The following PTGS1 variants were observed in gnomAD, a reference collection of about 807,000 sequenced individuals.
PTGS1 encodes prostaglandin G/H synthase 1.
PTGS1 carries 40 observed loss-of-function variants against 63.0 expected under a neutral mutation model. The observed-to-expected ratio is 0.63, with a 90% CI of 0.49 to 0.83. The LOEUF (loss-of-function observed/expected upper bound fraction) is 0.83. PTGS1 is among the 40% of genes least tolerant of loss of function. The pLI is 0.00. For synonymous variants in PTGS1, 298 were observed against 301.9 expected (o/e 0.99, Z 0.13); for missense variants, 709 against 786.5 (o/e 0.90, Z 1.18).
At chr9:122,381,312 C>G in intron 5 of PTGS1, 59 bp from the exon 6 acceptor site, 1 of 1,557,384 alleles carries the variant, frequency 6.4e-7, no homozygotes, top group Non-Finnish European at 8.7e-7. Flanking sequence ...GCCCAGATGT[C>G]CCCAGGGCAG....
chr9:122,373,669 C>G (rs1836938076), intron 2 of PTGS1, among the ~76,000 whole-genome samples: 1 of 152,220 alleles, frequency 6.6e-6, no homozygotes, highest in African/African-American at 2.4e-5. Flanking sequence ...GGGCAAGATG[C>G]CAGCTGTGCC....
Position 122,377,992 on chromosome 9 carries a change from A to T in PTGS1, c.188A>T (p.Tyr63Phe), listed in dbSNP as rs781262401. The T allele has an allele frequency of 2.5e-6, 4 of 1,613,474 alleles. No homozygotes were observed. Residue 63 changes from tyrosine to phenylalanine, a missense_variant, in exon 3 of 11, where the codon TAT becomes TTT. Physicochemically the swap from Tyr to Phe is conservative, Grantham distance 22. Coordinates refer to ENST00000362012, the MANE Select transcript of PTGS1 (RefSeq NM_000962.4). ...RYQCDCTRTGYSGPNCTIPGL... is the reference protein window; with the variant it reads ...RYQCDCTRTGFSGPNCTIPGL... Reference sequence around the variant, plus strand: ...CAGTGTGACTGCACCCGCACGGGCTATTCCGGCCCCAACTGCACCATCCGT... The same window carrying T: ...CAGTGTGACTGCACCCGCACGGGCTTTTCCGGCCCCAACTGCACCATCCGT...
In PTGS1 at chr9:122,378,895, G is replaced by A; in HGVS notation, c.473G>A (p.Cys158Tyr). 6.2e-7 allele frequency: 1 copy of A among 1,614,242 alleles called. No homozygotes were observed. The highest frequency in any genetic ancestry group is 8.5e-7 in the Non-Finnish European group (1 of 1,180,046). Residue 158 changes from cysteine (C) to tyrosine (Y), a missense_variant, in exon 5 of 11, where the codon TGC becomes TAC. By Grantham distance (194) the Cys-to-Tyr change is radical. Transcript: ENST00000362012. ...ATTCTGCCCTCTGTGCCTAAAGATT[G>A]CCCCACACCCATGGGAACCAAAGGT... ...TRILPSVPKD[C>Y]PTPMGTKGKK...
chr9:122,381,392 CCCA>C lies in PTGS1; in HGVS notation c.519_521del (p.Gln174del). 1 of 1,614,046 alleles carries C rather than the reference CCCA, an allele frequency of 6.2e-7. No individual in the cohort carries two copies. The highest frequency in any genetic ancestry group is 8.5e-7 in the Non-Finnish European group (1 of 1,179,988). ...CCAGGGAAGAAGCAGTTGCCAGATG[CCCA>C]GCTCCTGGCCCGCCGCTTCCTGCTC... On this transcript the variant is annotated inframe_deletion, in exon 6 of 11. Coordinates refer to ENST00000362012, the MANE Select transcript of PTGS1 (RefSeq NM_000962.4).
chr9:122,375,253 A>T, intron 2 of PTGS1: 1 of 981,316 alleles, frequency 1.0e-6, no homozygotes, highest in Non-Finnish European at 1.2e-6. Context: ...GGGAGGGAGG[A>T]GCCTCAGCTC....
At chr9:122,376,591 A>G (rs1447164775) in intron 2 of PTGS1, among the ~76,000 whole-genome samples, 3 of 152,128 alleles carry the variant, frequency 2.0e-5, no homozygotes, top group African/African-American at 7.2e-5. Context: ...GCCTTTCACT[A>G]CCCTTTTGAC....
intron 3 of PTGS1, 98 bp downstream of exon 3, chr9:122,378,113 C>T: frequency 8.5e-7 from 1 of 1,181,778 alleles, no homozygotes; most frequent in Non-Finnish European, 1.2e-6. Flanking sequence ...CCTCTCTGAC[C>T]ATGGCCCTGT....
chr9:122,373,379 T>A (rs925428561), intron 2 of PTGS1, among the ~76,000 whole-genome samples: 2 of 152,114 alleles, frequency 1.3e-5, no homozygotes, highest in African/African-American at 4.8e-5. Flanking sequence ...AGCCTGTCTT[T>A]TACCTCTAGA....
intron 9 of PTGS1, 26 bp downstream of exon 9, chr9:122,386,758 G>A: frequency 6.2e-7 from 1 of 1,607,912 alleles, no homozygotes; most frequent in Non-Finnish European, 8.5e-7. Flanking sequence ...GTGCTGGTGA[G>A]GGCAGGTGGG....
intron 7 of PTGS1, among the ~76,000 whole-genome samples, chr9:122,382,408 T>A (rs1320583414): frequency 6.6e-6 from 1 of 152,222 alleles, no homozygotes; most frequent in Non-Finnish European, 1.5e-5. Context: ...CATCTCAATT[T>A]GGATGCTCTA....
intron 8 of PTGS1, among the ~76,000 whole-genome samples, chr9:122,384,826 G>GA (rs1837776323): frequency 2.0e-5 from 3 of 150,844 alleles, no homozygotes; most frequent in African/African-American, 7.3e-5. Context: ...TCCCCCTCGC[G>GA]TCTACACTTA....
chr9:122,375,090 A>G (rs1017408771), intron 2 of PTGS1, among the ~76,000 whole-genome samples: 1 of 152,146 alleles, frequency 6.6e-6, no homozygotes, highest in African/African-American at 2.4e-5. Flanking sequence ...AGTGGCACCC[A>G]GTCTCCTCTC....
chr9:122,388,495 C>T (rs1354591600), intron 9 of PTGS1, among the ~76,000 whole-genome samples: 1 of 152,226 alleles, frequency 6.6e-6, no homozygotes, highest in Admixed American at 6.5e-5. Context: ...AGATGCTCTT[C>T]CCTTCCCCAT....
chr9:122,371,212 TTCCTGC>T lies in PTGS1; in HGVS notation c.44_49del (p.Leu15_Leu16del), dbSNP rs534752292. The T allele has an allele frequency of 6.0e-3, 9,609 of 1,608,470 alleles. 42 individuals are homozygous for T. Among genetic ancestry groups the T allele is most frequent in the Non-Finnish European group, 7.2e-3 (8,496 of 1,179,848 alleles). On this transcript the variant is annotated inframe_deletion, in exon 2 of 11. Transcript: ENST00000362012. ...GAGTCTCTTGCTCTGGTTCTTGCTG[TTCCTGC>T]TCCTGCTCCCGCCGCTCCCCGTCCT...
chr9:122,378,068 C>CCG, intron 3 of PTGS1, 53 bp downstream of exon 3: 1 of 1,511,586 alleles, frequency 6.6e-7, no homozygotes, highest in South Asian at 1.1e-5. Context: ...TTCTGCTCCC[C>CCG]GGGCCCTTTC....
In PTGS1 at chr9:122,378,428, T is replaced by G; in HGVS notation, c.212-5T>G. Reference sequence around the variant, plus strand: ...CCAACTGAGTGACTGCCATTGCCCCTGCAGCTGGCCTGTGGACCTGGCTCC... The same window carrying G: ...CCAACTGAGTGACTGCCATTGCCCCGGCAGCTGGCCTGTGGACCTGGCTCC... On this transcript the variant is annotated splice_polypyrimidine_tract_variant and splice_region_variant and intron_variant, in intron 3 of 10. Transcript: ENST00000362012. The G allele has an allele frequency of 1.2e-6, 2 of 1,613,438 alleles. No homozygotes were observed. Among genetic ancestry groups the G allele is most frequent in the South Asian group, 1.1e-5 (1 of 91,088 alleles).
rs1468878092 is a variant in PTGS1 at position 122,395,088 on chromosome 9, G to C, written c.*2544G>C. On this transcript the variant is annotated 3_prime_UTR_variant, in exon 11 of 11. Coordinates refer to ENST00000362012, the MANE Select transcript of PTGS1 (RefSeq NM_000962.4). ...GGAAGCTGGCAGAACGGAGGAGGCT[G>C]CAGCCGTGGTCCAACCAGGAGCTGA... 1 of 152,620 alleles carries C rather than the reference G, an allele frequency of 6.6e-6. No individual in the cohort carries two copies. The highest frequency in any genetic ancestry group is 1.5e-5 in the Non-Finnish European group (1 of 68,380). 9.5% of individuals were successfully genotyped at this position (152,620 alleles called of 1,614,324 possible). A position where few individuals can be genotyped will look rare whatever the true frequency, so the allele number is the denominator to read the frequency against.
chr9:122,375,179 A>G (rs747054180), intron 2 of PTGS1: 1 of 464,130 alleles, frequency 2.2e-6, no homozygotes, highest in Non-Finnish European at 2.8e-6. Flanking sequence ...GCCCCAGAGC[A>G]GTGGTGTTTA....
At chr9:122,385,720 G>A (rs754856635) in intron 8 of PTGS1, among the ~76,000 whole-genome samples, 5 of 151,990 alleles carry the variant, frequency 3.3e-5, no homozygotes, top group African/African-American at 4.8e-5. Flanking sequence ...CTCTATCACC[G>A]AGGGTGTCAG....
Sources: allele counts gnomAD v4.1 joint callset (sites outside exome capture counted in the v4.1 genomes callset), GRCh38; gene constraint gnomAD v4.1.1; transcripts MANE v1.5; gene names NCBI Gene and HGNC (gene_info 2026-07-23, HGNC 2026-07-21).